The following KEAP1 variants were observed in gnomAD, a reference collection of about 807,000 sequenced individuals.
The protein encoded by KEAP1 is kelch-like ECH-associated protein 1.
Under a neutral mutation model 59.7 loss-of-function variants are expected in KEAP1, and 26 were observed. That is an observed-to-expected ratio of 0.44 (90% CI 0.32 to 0.60). KEAP1 has a LOEUF of 0.60. Among genes scored for constraint, KEAP1 ranks in the 20% least tolerant of loss-of-function variants. The pLI, the probability that KEAP1 is intolerant of heterozygous loss-of-function variation, is 0.06. For missense variants in KEAP1, 539 were observed against 871.4 expected (o/e 0.62, Z 4.80); for synonymous variants, 350 against 358.3 (o/e 0.98, Z 0.26).
intron 1 of KEAP1, among the ~76,000 whole-genome samples, chr19:10,501,553 C>A (rs181725876): frequency 9.2e-5 from 14 of 152,124 alleles, no homozygotes; most frequent in Admixed American, 4.6e-4. Flanking sequence ...AGGCGTGAAC[C>A]CAGGAAGCAG....
intron 5 of KEAP1, among the ~76,000 whole-genome samples, chr19:10,487,968 A>C (rs1169629791): frequency 3.3e-5 from 5 of 151,996 alleles, no homozygotes; most frequent in Non-Finnish European, 7.4e-5. Context: ...TTCTCTACTA[A>C]AAATACAAAA....
At chr19:10,498,200 T>TC (rs1491171884) in intron 2 of KEAP1, among the ~76,000 whole-genome samples, 1 of 47,476 alleles carries the variant, frequency 2.1e-5, no homozygotes. Flanking sequence ...GCGCCCAGGC[T>TC]TTTTTTTTTT....
intron 1 of KEAP1, among the ~76,000 whole-genome samples, chr19:10,501,348 G>A (rs571686744): frequency 6.6e-6 from 1 of 151,384 alleles, no homozygotes; most frequent in Non-Finnish European, 1.5e-5. Context: ...AGATATTCTC[G>A]ACCGGGCGTG....
intron 2 of KEAP1, among the ~76,000 whole-genome samples, chr19:10,495,815 C>T (rs1290347120): frequency 6.6e-6 from 1 of 152,120 alleles, no homozygotes; most frequent in Non-Finnish European, 1.5e-5. Flanking sequence ...CTTGGTTTTC[C>T]TCCTCTGTAA....
chr19:10,497,721 C>T lies in KEAP1; in HGVS notation c.639+1674G>A, dbSNP rs898850496. Among the ~76,000 whole-genome samples, 5 of 152,156 alleles carry T rather than the reference C, an allele frequency of 3.3e-5. No homozygotes were observed. In the South Asian group the frequency reaches 8.3e-4, roughly 25 times the overall value. On this transcript the variant is annotated intron_variant, in intron 2 of 5. Transcript: ENST00000171111. ...GCAACATAGCAAGACCCTGTCTCTA[C>T]AAAAAAATTTAAAAACTAAAAAATT...
intron 2 of KEAP1, 90 bp from the exon 3 acceptor site, chr19:10,492,352 C>T: frequency 1.1e-6 from 1 of 914,286 alleles, no homozygotes; most frequent in East Asian, 2.6e-5. Context: ...ATCACTGCCG[C>T]TGACAGTCTC....
intron 2 of KEAP1, among the ~76,000 whole-genome samples, chr19:10,497,702 T>C (rs1396221224): frequency 2.0e-5 from 3 of 152,044 alleles, no homozygotes; most frequent in African/African-American, 4.8e-5. Context: ...CTCAGCAACA[T>C]AGCAAGACCC....
At chr19:10,496,935 A>G (rs1356332856) in intron 2 of KEAP1, among the ~76,000 whole-genome samples, 2 of 152,086 alleles carry the variant, frequency 1.3e-5, no homozygotes, top group Non-Finnish European at 2.9e-5. Flanking sequence ...CCTGGCCAAC[A>G]TGGTGAAACC....
intron 2 of KEAP1, among the ~76,000 whole-genome samples, chr19:10,496,694 C>T (rs1241969370): frequency 1.3e-5 from 2 of 150,622 alleles, no homozygotes; most frequent in South Asian, 4.2e-4. Flanking sequence ...CCAGCTACTT[C>T]GGAGGCTGAG....
chr19:10,496,237 C>T (rs1480315823), intron 2 of KEAP1, among the ~76,000 whole-genome samples: 2 of 150,384 alleles, frequency 1.3e-5, no homozygotes, highest in African/African-American at 4.9e-5. Context: ...GGCTCACACA[C>T]GTAATCCCAG....
rs773315433 is a variant in KEAP1, at chr19:10,491,910, G to A, written c.992C>T (p.Ala331Val). The change falls in exon 3 of 6, where the codon GCG becomes GTG. Residue 331 changes from alanine (A) to valine (V), a missense_variant. By Grantham distance (64) the Ala-to-Val change is moderately conservative. Coordinates refer to ENST00000171111, the MANE Select transcript of KEAP1 (RefSeq NM_203500.2). This position sits in a 1 kb window ranked among gnomAD's most constrained non-coding sequence, Gnocchi z 5.2. The part of the protein sequence containing the change: ...APKVGRLIYT[A>V]GGYFRQSLSY... ...GAGCGACTGTCGGAAGTAGCCGCCCGCGGTGTAGATCAGGCGGCCCACCTT... is the reference window on the plus strand; with the variant it reads ...GAGCGACTGTCGGAAGTAGCCGCCCACGGTGTAGATCAGGCGGCCCACCTT... 1.2e-5 allele frequency: 19 copies of A among 1,613,528 alleles called. No individual in the cohort carries two copies. The highest frequency in any genetic ancestry group is 1.5e-5 in the Non-Finnish European group (18 of 1,179,908).
intron 2 of KEAP1, chr19:10,492,610 C>T (rs568142825): frequency 1.4e-5 from 3 of 221,798 alleles, no homozygotes; most frequent in Non-Finnish European, 2.7e-5. Flanking sequence ...CCCAGCTACT[C>T]GGGAGGCTGA....
chr19:10,497,192 T>C (rs1404211418), intron 2 of KEAP1, among the ~76,000 whole-genome samples: 1 of 151,836 alleles, frequency 6.6e-6, no homozygotes, highest in East Asian at 1.9e-4. Context: ...CCCATGTTCA[T>C]ACAAACACAA....
intron 2 of KEAP1, among the ~76,000 whole-genome samples, chr19:10,495,361 G>T (rs1914817760): frequency 6.6e-6 from 1 of 151,980 alleles, no homozygotes; most frequent in Admixed American, 6.6e-5. Flanking sequence ...GACTAAAAAA[G>T]GAAAAAATAA....
Position 10,499,634 on chromosome 19 carries a change from C to T in KEAP1, c.400G>A (p.Glu134Lys), listed in dbSNP as rs762978876. 159 of 1,613,944 alleles carry T rather than the reference C, an allele frequency of 9.9e-5. No homozygotes were observed. The highest frequency in any genetic ancestry group is 1.3e-4 in the Non-Finnish European group (154 of 1,180,052). The change falls in exon 2 of 6, where the codon GAG (glutamate) becomes AAG (lysine). Residue 134 changes from glutamate (E) to lysine (K), a missense_variant. Glu to Lys is a moderately conservative substitution (Grantham distance 56, BLOSUM62 1). Transcript: ENST00000171111. This position sits in a 1 kb window ranked among gnomAD's most constrained non-coding sequence, Gnocchi z 6.7. Reference protein sequence around the residue: ...SIEGIHPKVMERLIEFAYTAS... With the variant: ...SIEGIHPKVMKRLIEFAYTAS... ...GTGTAGGCGAATTCAATGAGGCGCT[C>T]CATGACCTTGGGGTGGATACCCTCA...
chr19:10,496,247 G>A (rs1474329669), intron 2 of KEAP1, among the ~76,000 whole-genome samples: 1 of 150,288 alleles, frequency 6.7e-6, no homozygotes, highest in African/African-American at 2.4e-5. Context: ...CGTAATCCCA[G>A]CACTTTGGGA....
In KEAP1 at chr19:10,499,371, C is replaced by T. The variant is rs1444186505; in HGVS notation, c.639+24G>A. The T allele has an allele frequency of 6.5e-7, 1 of 1,544,178 alleles. No homozygotes were observed. On this transcript the variant is annotated intron_variant, in intron 2 of 5. Transcript: ENST00000171111. The surrounding 1 kb of genome is among the most constrained non-coding windows in gnomAD (Gnocchi z 6.7). ...TCCCTGGTCCTTCTCCTGACACTGC[C>T]CCCAGCCCCACTTCCCCGCTCACCT...
At position 10,492,038 on chromosome 19, in the gene KEAP1, G is replaced by A. The variant is rs748569997; in HGVS notation, c.864C>T (p.Cys288=). The change falls in exon 3 of 6, where the codon TGC becomes TGT. Residue 288 remains cysteine (C), a synonymous_variant. Coordinates refer to ENST00000171111, the MANE Select transcript of KEAP1 (RefSeq NM_203500.2). ...AGCGGGAGTCGGACTGCAGGATCTCGCACTTCTGCAGCTGCATCTGCAGGA... is the reference window on the plus strand; with the variant it reads ...AGCGGGAGTCGGACTGCAGGATCTCACACTTCTGCAGCTGCATCTGCAGGA... The part of the protein sequence containing the change: ...PNFLQMQLQK[C]EILQSDSRCK... 1.2e-6 allele frequency: 2 copies of A among 1,614,030 alleles called. No homozygotes were observed. Among genetic ancestry groups the A allele is most frequent in the Non-Finnish European group, 1.7e-6 (2 of 1,180,040 alleles).
intron 2 of KEAP1, among the ~76,000 whole-genome samples, chr19:10,495,057 A>G (rs939972747): frequency 1.6e-4 from 24 of 151,084 alleles, no homozygotes; most frequent in African/African-American, 5.8e-4. Context: ...CCGGGTTCAA[A>G]TGATTCTTCT....
Sources: allele counts gnomAD v4.1 joint callset (sites outside exome capture counted in the v4.1 genomes callset), GRCh38; gene constraint gnomAD v4.1.1; non-coding constraint Gnocchi (gnomAD v3.1); transcripts MANE v1.5; gene names NCBI Gene and HGNC (gene_info 2026-07-23, HGNC 2026-07-21).